Variants in BLTP2 observed in about 807,000 individuals in gnomAD.
BLTP2 encodes the protein bridge-like lipid transfer protein family member 2.
the BLTP2 span, chr17:28,644,900 C>G: frequency 8.4e-7 from 1 of 1,193,840 alleles, no homozygotes; most frequent in Non-Finnish European, 1.2e-6. Context: ...CTCAGTAAGG[C>G]GCGCGCCCCC....
chr17:28,630,319 G>T, the BLTP2 span, among the ~76,000 whole-genome samples: 1 of 151,626 alleles, frequency 6.6e-6, no homozygotes, highest in African/African-American at 2.4e-5. Context: ...ACCACACCCA[G>T]ATAATTTTTT....
chr17:28,621,180 G>C, the BLTP2 span: 1 of 1,611,752 alleles, frequency 6.2e-7, no homozygotes, highest in Non-Finnish European at 8.5e-7. Context: ...TCTGGGAAGA[G>C]GTGGGAAAGA....
the BLTP2 span, chr17:28,631,450 G>T: frequency 2.5e-6 from 4 of 1,592,160 alleles, no homozygotes; most frequent in Non-Finnish European, 3.4e-6. Flanking sequence ...ATATAAATAA[G>T]GTAATAAAGA....
chr17:28,641,507 G>A, the BLTP2 span, among the ~76,000 whole-genome samples: 1 of 152,142 alleles, frequency 6.6e-6, no homozygotes, highest in Non-Finnish European at 1.5e-5. Context: ...AGGCATGGTG[G>A]CGGATGACTG....
At chr17:28,641,994 T>C in the BLTP2 span, 2 of 1,614,088 alleles carry the variant, frequency 1.2e-6, no homozygotes, top group Non-Finnish European at 1.7e-6. Flanking sequence ...ACATCCACAG[T>C]GATAGCAGTG....
At chr17:28,645,119 C>A in the BLTP2 span, 6 of 1,380,588 alleles carry the variant, frequency 4.3e-6, no homozygotes, top group Middle Eastern at 1.8e-4. Context: ...GACGCCGGAT[C>A]CGCGCAGCAC....
At chr17:28,641,933 A>C in the BLTP2 span, 1 of 1,613,970 alleles carries the variant, frequency 6.2e-7, no homozygotes, top group Non-Finnish European at 8.5e-7. Context: ...GCCCTGGCAC[A>C]GCAGTTGGCT....
At chr17:28,628,716 C>A in the BLTP2 span, among the ~76,000 whole-genome samples, 1 of 152,106 alleles carries the variant, frequency 6.6e-6, no homozygotes, top group Non-Finnish European at 1.5e-5. Context: ...GGGCAAATCA[C>A]GAGATCAGGA....
the BLTP2 span, chr17:28,640,305 A>T: frequency 2.0e-6 from 1 of 500,350 alleles, no homozygotes; most frequent in Non-Finnish European, 3.6e-6. Context: ...AGGCAGGAGA[A>T]TCGCTTGAAC....
the BLTP2 span, chr17:28,634,397 ACT>A: frequency 1.3e-5 from 10 of 741,654 alleles, no homozygotes; most frequent in East Asian, 2.8e-5. Context: ...CACCCATCCC[ACT>A]CCACCCACCC....
chr17:28,625,347 A>AG, the BLTP2 span, among the ~76,000 whole-genome samples: 4 of 150,332 alleles, frequency 2.7e-5, no homozygotes, highest in Non-Finnish European at 5.9e-5. Flanking sequence ...AAAAAAAAAA[A>AG]AAAAAAAAAA....
chr17:28,644,545 T>C, the BLTP2 span, among the ~76,000 whole-genome samples: 1 of 152,178 alleles, frequency 6.6e-6, no homozygotes, highest in African/African-American at 2.4e-5. Flanking sequence ...GGTCTGTCTG[T>C]CTCCTGCTCC....
the BLTP2 span, chr17:28,642,014 C>A: frequency 6.2e-7 from 1 of 1,614,240 alleles, no homozygotes; most frequent in Non-Finnish European, 8.5e-7. Context: ...GAGATGCCGA[C>A]TGCTAATGCC....
chr17:28,621,521 C>T, the BLTP2 span: 2 of 1,571,426 alleles, frequency 1.3e-6, no homozygotes, highest in Non-Finnish European at 1.8e-6. Flanking sequence ...ATGCAGGCAA[C>T]TTTAGCTCCT....
the BLTP2 span, among the ~76,000 whole-genome samples, chr17:28,622,615 T>C: frequency 1.5e-3 from 226 of 152,286 alleles, no homozygotes; most frequent in African/African-American, 5.1e-3. Flanking sequence ...TCATAATCAA[T>C]AGACTCTCCA....
the BLTP2 span, chr17:28,619,831 T>C: frequency 6.2e-7 from 1 of 1,613,452 alleles, no homozygotes; most frequent in Non-Finnish European, 8.5e-7. Flanking sequence ...GACTTCCTGG[T>C]TCTCAAACTA....
At chr17:28,641,029 T>A in the BLTP2 span, among the ~76,000 whole-genome samples, 49 of 152,368 alleles carry the variant, frequency 3.2e-4, no homozygotes, top group African/African-American at 1.1e-3. Flanking sequence ...ATTTGTGAAA[T>A]GCTGAGGATT....
the BLTP2 span, chr17:28,642,341 A>G: frequency 6.2e-7 from 1 of 1,614,132 alleles, no homozygotes; most frequent in Non-Finnish European, 8.5e-7. Flanking sequence ...TTAGCCTGGG[A>G]AAGGAAAAAA....
the BLTP2 span, chr17:28,615,617 G>C: frequency 6.3e-7 from 1 of 1,591,098 alleles, no homozygotes; most frequent in East Asian, 2.2e-5. Flanking sequence ...AAGAGGATCT[G>C]CCTGCCAGCC....
Sources: gnomAD v4.1 joint callset for allele counts (sites outside exome capture counted in the v4.1 genomes callset) on GRCh38, gnomAD v4.1.1 for gene constraint, MANE v1.5 for transcripts, NCBI Gene and HGNC (gene_info 2026-07-23, HGNC 2026-07-21) for gene names.